PRUNE2: variants seen among roughly 807,000 people sequenced by gnomAD.
PRUNE2 encodes the protein protein prune homolog 2.
A neutral mutation model predicts 252.0 loss-of-function variants in PRUNE2; 164 were observed. That is an observed-to-expected ratio of 0.65 (90% CI 0.57 to 0.74). The LOEUF is 0.74. Ranked by LOEUF, PRUNE2 falls within the 30% of genes least tolerant of loss-of-function variation. PRUNE2 has a pLI of 0.00. For missense variants in PRUNE2, 3,495 were observed against 3,711.0 expected, an observed-to-expected ratio of 0.94 and a Z score of 1.51; for synonymous variants, 1,292 against 1,350.2, an observed-to-expected ratio of 0.96 and a Z score of 0.94.
intron 1 of PRUNE2, among the ~76,000 whole-genome samples, chr9:76,883,419 T>C (rs1279724886): frequency 2.6e-5 from 4 of 152,190 alleles, no homozygotes; most frequent in Non-Finnish European, 5.9e-5. Context: ...CTGGTAGAAA[T>C]GTCTGCAGCT....
At chr9:76,730,776 G>A (rs571178151) in intron 6 of PRUNE2, among the ~76,000 whole-genome samples, 88 of 152,288 alleles carry the variant, frequency 5.8e-4, no homozygotes, top group African/African-American at 2.0e-3. Flanking sequence ...GGTGGCACAC[G>A]CCTGTAATCC....
intron 9 of PRUNE2, among the ~76,000 whole-genome samples, chr9:76,699,806 C>T (rs977549677): frequency 1.3e-4 from 20 of 152,260 alleles, no homozygotes; most frequent in African/African-American, 4.8e-4. Context: ...CCTTTCTTCA[C>T]ACATCATTCT....
chr9:76,759,458 G>C (rs368385275), intron 6 of PRUNE2: 48 of 152,616 alleles, frequency 3.1e-4, no homozygotes, highest in Admixed American at 1.1e-3. Context: ...TCCATGAGCA[G>C]ATGAGCAGAA....
intron 6 of PRUNE2, among the ~76,000 whole-genome samples, chr9:76,803,152 G>A (rs760381730): frequency 2.0e-5 from 3 of 152,212 alleles, no homozygotes; most frequent in Non-Finnish European, 4.4e-5. Flanking sequence ...TAAAAGCAGC[G>A]TAATGAGATT....
intron 1 of PRUNE2, chr9:76,862,723 A>C (rs545941879): frequency 2.6e-5 from 4 of 152,284 alleles, no homozygotes; most frequent in South Asian, 2.1e-4. Context: ...ACAAAAAAAA[A>C]CCTAATTCCC....
intron 16 of PRUNE2, among the ~76,000 whole-genome samples, chr9:76,624,716 C>T (rs1349390035): frequency 6.6e-6 from 1 of 152,160 alleles, no homozygotes; most frequent in Non-Finnish European, 1.5e-5. Flanking sequence ...AAAATGTAGA[C>T]ATAAGTTGCA....
Position 76,710,651 on chromosome 9 carries a change from G to T in PRUNE2, c.1623C>A (p.Gly541=), listed in dbSNP as rs565791030. Residue 541 remains glycine, a synonymous_variant, in exon 8 of 19, where the codon GGC becomes GGA. Transcript: ENST00000376718. ...AATAATTAGACATGTTGGTTCCCAT[G>T]CCATCAAGTCCTTCAGGCCCAGCGG... ...QLPAGPEGLD[G]MGTNMSNYSS... 6.2e-7 allele frequency: 1 copy of T among 1,612,234 alleles called. No homozygotes were observed. The highest frequency in any genetic ancestry group is 1.3e-5 in the African/African-American group (1 of 75,008).
At chr9:76,638,892 C>T (rs1264730122) in intron 12 of PRUNE2, among the ~76,000 whole-genome samples, 1 of 152,162 alleles carries the variant, frequency 6.6e-6, no homozygotes, top group East Asian at 1.9e-4. Flanking sequence ...GATCAACAGA[C>T]AGTGTGAGAA....
chr9:76,711,424 C>T, intron 7 of PRUNE2, 66 bp from the exon 8 acceptor site: 1 of 932,478 alleles, frequency 1.1e-6, no homozygotes, highest in Non-Finnish European at 1.6e-6. Context: ...TTGCACTTTG[C>T]AATTTATCTC....
At chr9:76,897,112 G>T (rs1200710584) in intron 1 of PRUNE2, among the ~76,000 whole-genome samples, 1 of 152,112 alleles carries the variant, frequency 6.6e-6, no homozygotes, top group Non-Finnish European at 1.5e-5. Flanking sequence ...ATATTCTGTT[G>T]TCCAAAAGAT....
At position 76,643,601 on chromosome 9, in the gene PRUNE2, C is replaced by A. The variant is rs77624688; in HGVS notation, c.8728+1138G>T. Among the ~76,000 whole-genome samples, 17 of 152,324 alleles carry A rather than the reference C, an allele frequency of 1.1e-4. 1 individual carries two copies. The East Asian group carries it at 3.3e-3, about 29-fold the overall frequency. On this transcript the variant is annotated intron_variant, in intron 12 of 18. Coordinates refer to ENST00000376718, the MANE Select transcript of PRUNE2 (RefSeq NM_015225.3). ...TGATTTCCCTTAGAGGAAACTGCTC[C>A]TGACCCCACAGCAGCTCTCAGCGGG...
At chr9:76,623,536 A>C (rs1329856399) in intron 17 of PRUNE2, among the ~76,000 whole-genome samples, 1 of 152,020 alleles carries the variant, frequency 6.6e-6, no homozygotes, top group African/African-American at 2.4e-5. Flanking sequence ...CTCGTGATCC[A>C]CCCATCTCGG....
At chr9:76,694,570 A>T (rs988002576) in intron 9 of PRUNE2, among the ~76,000 whole-genome samples, 1 of 152,226 alleles carries the variant, frequency 6.6e-6, no homozygotes, top group African/African-American at 2.4e-5. Context: ...GGCCAATCAT[A>T]GATACCTTAA....
chr9:76,664,934 C>T (rs1950525233), intron 9 of PRUNE2, among the ~76,000 whole-genome samples: 1 of 152,150 alleles, frequency 6.6e-6, no homozygotes, highest in Non-Finnish European at 1.5e-5. Context: ...CTTTTCTTTC[C>T]CACCATTTCT....
chr9:76,693,334 C>G (rs1234725518), intron 9 of PRUNE2, among the ~76,000 whole-genome samples: 1 of 149,796 alleles, frequency 6.7e-6, no homozygotes, highest in Non-Finnish European at 1.5e-5. Flanking sequence ...GGGGGATGGG[C>G]AATTTTAGGT....
chr9:76,891,376 T>G (rs1028546843), intron 1 of PRUNE2, among the ~76,000 whole-genome samples: 1 of 152,254 alleles, frequency 6.6e-6, no homozygotes, highest in Middle Eastern at 3.2e-3. Flanking sequence ...GTTGTCCCAT[T>G]ACAGGCATGT....
chr9:76,803,874 G>T (rs538210935), intron 6 of PRUNE2, among the ~76,000 whole-genome samples: 1 of 152,246 alleles, frequency 6.6e-6, no homozygotes, highest in East Asian at 1.9e-4. Flanking sequence ...TTTGTCTCAT[G>T]GGTCACCTGT....
chr9:76,850,118 G>A (rs982257450), intron 3 of PRUNE2, among the ~76,000 whole-genome samples: 3 of 151,750 alleles, frequency 2.0e-5, no homozygotes, highest in Admixed American at 6.6e-5. Flanking sequence ...GTGCGATCTC[G>A]GCTCACTATA....
intron 16 of PRUNE2, chr9:76,625,038 T>C: frequency 4.6e-6 from 6 of 1,303,594 alleles, no homozygotes; most frequent in South Asian, 1.2e-5. Flanking sequence ...ACTTCTCTTA[T>C]AAGATCTCTC....
Sources: allele counts gnomAD v4.1 joint callset (sites outside exome capture counted in the v4.1 genomes callset), GRCh38; gene constraint gnomAD v4.1.1; transcripts MANE v1.5; gene names NCBI Gene and HGNC (gene_info 2026-07-23, HGNC 2026-07-21).